Variants in SLC9A9 observed in about 807,000 individuals in gnomAD.
The protein encoded by SLC9A9 is solute carrier family 9 member A9, also known as sodium/hydrogen exchanger 9.
Under a neutral mutation model 77.8 loss-of-function variants are expected in SLC9A9, and 62 were observed. That is an observed-to-expected ratio of 0.80 (90% CI 0.65 to 0.98). The LOEUF (loss-of-function observed/expected upper bound fraction) is 0.98. Ranked by LOEUF, SLC9A9 falls within the 50% of genes least tolerant of loss-of-function variation. SLC9A9 has a pLI of 0.00. For missense variants in SLC9A9, 775 were observed against 774.9 expected, an observed-to-expected ratio of 1.00 and a Z score of 0.00; for synonymous variants, 320 against 283.5, an observed-to-expected ratio of 1.13 and a Z score of -1.29.
At chr3:143,610,925 C>T (rs115210755) in intron 6 of SLC9A9, among the ~76,000 whole-genome samples, 2,224 of 152,106 alleles carry the variant, frequency 0.015, 56 homozygotes, top group African/African-American at 0.049. Context: ...CTCTTAAATA[C>T]GGTTACTCAG....
chr3:143,846,358 C>T (rs2009829897), intron 1 of SLC9A9, among the ~76,000 whole-genome samples: 1 of 152,170 alleles, frequency 6.6e-6, no homozygotes, highest in Non-Finnish European at 1.5e-5. Flanking sequence ...TTTCTGGCTT[C>T]TCAGATTCTA....
At chr3:143,651,380 A>T (rs1251997405) in intron 6 of SLC9A9, among the ~76,000 whole-genome samples, 1 of 152,210 alleles carries the variant, frequency 6.6e-6, no homozygotes, top group Non-Finnish European at 1.5e-5. Flanking sequence ...AAAGAAAGAA[A>T]AAAAAGAGTA....
intron 12 of SLC9A9, among the ~76,000 whole-genome samples, chr3:143,394,454 A>G (rs908597934): frequency 1.3e-5 from 2 of 152,208 alleles, no homozygotes; most frequent in Admixed American, 6.5e-5. Flanking sequence ...GATGTATCTC[A>G]AAATAATAAG....
intron 12 of SLC9A9, among the ~76,000 whole-genome samples, chr3:143,403,004 T>A (rs2108513497): frequency 6.6e-6 from 1 of 151,774 alleles, no homozygotes; most frequent in East Asian, 1.9e-4. Context: ...ATAACTCAAT[T>A]CCAGTAAGAT....
intron 12 of SLC9A9, among the ~76,000 whole-genome samples, chr3:143,441,907 T>C (rs1488852524): frequency 1.3e-5 from 2 of 151,910 alleles, no homozygotes; most frequent in South Asian, 2.1e-4. Flanking sequence ...TACTCATCCA[T>C]CCATCCAGCC....
intron 6 of SLC9A9, among the ~76,000 whole-genome samples, chr3:143,610,230 C>G (rs773461297): frequency 6.6e-6 from 1 of 152,052 alleles, no homozygotes. Flanking sequence ...CTCACTGCAG[C>G]CTTGATCTCC....
intron 4 of SLC9A9, among the ~76,000 whole-genome samples, chr3:143,766,667 TC>T (rs147194223): frequency 0.018 from 2,806 of 152,244 alleles, 98 homozygotes; most frequent in African/African-American, 0.063. Context: ...TCTCCCAGGT[TC>T]AAGTGATTCT....
At chr3:143,578,514 T>A in intron 7 of SLC9A9, 71 bp downstream of exon 7, 1 of 1,608,856 alleles carries the variant, frequency 6.2e-7, no homozygotes, top group South Asian at 1.1e-5. Context: ...AGGTTGTCCA[T>A]CATCAGAAAT....
intron 13 of SLC9A9, 112 bp from the exon 14 acceptor site, chr3:143,363,675 A>C (rs2032818812): frequency 1.0e-6 from 1 of 953,348 alleles, no homozygotes; most frequent in African/African-American, 1.7e-5. Flanking sequence ...AACCTTTCTA[A>C]GTATAGGCAT....
chr3:143,494,173 T>G (rs2035795391), intron 10 of SLC9A9, among the ~76,000 whole-genome samples: 2 of 152,220 alleles, frequency 1.3e-5, no homozygotes, highest in Admixed American at 1.3e-4. Flanking sequence ...GTTTACCATC[T>G]TCCTTCTTAT....
At chr3:143,514,248 G>A (rs577025020) in intron 9 of SLC9A9, among the ~76,000 whole-genome samples, 33 of 151,274 alleles carry the variant, frequency 2.2e-4, no homozygotes, top group South Asian at 1.3e-3. Context: ...TCTCAATGGC[G>A]GTTTCTTCAA....
rs143811943 is a variant in SLC9A9 at position 143,819,294 on chromosome 3, A to G, written c.378+12725T>C. On this transcript the variant is annotated intron_variant, in intron 2 of 15. Transcript: ENST00000316549. ...AGAAATGTCCCATTGTGAACATTATACATACAAAATTGACAGATAGAAACA... is the reference window on the plus strand; with the variant it reads ...AGAAATGTCCCATTGTGAACATTATGCATACAAAATTGACAGATAGAAACA... 2.0e-5 allele frequency among the ~76,000 whole-genome samples: 3 copies of G among 152,362 alleles called. No homozygotes were observed. The East Asian group carries it at 5.8e-4, about 29-fold the overall frequency.
intron 2 of SLC9A9, among the ~76,000 whole-genome samples, chr3:143,804,095 T>C (rs1345624248): frequency 2.6e-5 from 4 of 152,194 alleles, no homozygotes; most frequent in African/African-American, 9.7e-5. Context: ...GGAATTCCCC[T>C]GGGTAACCTT....
intron 12 of SLC9A9, among the ~76,000 whole-genome samples, chr3:143,425,775 C>T (rs942259818): frequency 1.3e-5 from 2 of 152,160 alleles, no homozygotes; most frequent in African/African-American, 4.8e-5. Context: ...CCTTTTTACT[C>T]TCTCATTTGA....
chr3:143,763,033 G>T (rs1346344580), intron 4 of SLC9A9, among the ~76,000 whole-genome samples: 3 of 152,116 alleles, frequency 2.0e-5, no homozygotes, highest in Non-Finnish European at 4.4e-5. Context: ...AAAAAGAGGA[G>T]GCGATGGAAC....
chr3:143,802,622 T>C (rs1236350455), intron 2 of SLC9A9, among the ~76,000 whole-genome samples: 3 of 152,198 alleles, frequency 2.0e-5, no homozygotes, highest in Non-Finnish European at 4.4e-5. Context: ...TACAGTCCGA[T>C]AACGGATGAG....
chr3:143,826,754 T>G (rs7621206), intron 2 of SLC9A9, among the ~76,000 whole-genome samples: 1 of 151,920 alleles, frequency 6.6e-6, no homozygotes, highest in Non-Finnish European at 1.5e-5. Context: ...TATCATGCTT[T>G]TCCTTCTGCA....
chr3:143,288,613 A>G (rs1286483705), intron 14 of SLC9A9, among the ~76,000 whole-genome samples: 1 of 152,158 alleles, frequency 6.6e-6, no homozygotes, highest in Non-Finnish European at 1.5e-5. Context: ...TGATTTCATG[A>G]TTGCTATAGA....
intron 4 of SLC9A9, among the ~76,000 whole-genome samples, chr3:143,794,099 C>T (rs2008300807): frequency 6.6e-6 from 1 of 152,220 alleles, no homozygotes; most frequent in Non-Finnish European, 1.5e-5. Context: ...AATCCCTCTG[C>T]TTACAGGCAC....
Sources: allele counts gnomAD v4.1 joint callset (sites outside exome capture counted in the v4.1 genomes callset), GRCh38; gene constraint gnomAD v4.1.1; transcripts MANE v1.5; gene names NCBI Gene and HGNC (gene_info 2026-07-23, HGNC 2026-07-21).